Variants in PLXNA4 observed in about 807,000 individuals in gnomAD.
The protein encoded by PLXNA4 is plexin A4, also known as plexin-A4.
PLXNA4 carries 44 observed loss-of-function variants against 191.8 expected under a neutral mutation model. The ratio of observed to expected loss-of-function variants is 0.23; its 90% CI spans 0.18 to 0.29. PLXNA4 has a LOEUF of 0.29. PLXNA4 is among the 10% of genes least tolerant of loss of function. The pLI, the probability that PLXNA4 is intolerant of heterozygous loss-of-function variation, is 1.00. For missense variants in PLXNA4, 1,800 were observed against 2,488.8 expected (o/e 0.72, Z 5.89); for synonymous variants, 1,082 against 1,009.5 (o/e 1.07, Z -1.36).
At chr7:132,502,149 T>G (rs1055711974) in intron 2 of PLXNA4, among the ~76,000 whole-genome samples, 1 of 152,192 alleles carries the variant, frequency 6.6e-6, no homozygotes, top group Non-Finnish European at 1.5e-5. Context: ...ATGCTCACTT[T>G]CGTGGAGTTT....
intron 3 of PLXNA4, among the ~76,000 whole-genome samples, chr7:132,362,911 A>G (rs1804006029): frequency 1.3e-5 from 2 of 152,212 alleles, no homozygotes; most frequent in African/African-American, 4.8e-5. Flanking sequence ...AGCTATTTTT[A>G]AGTGTAAAGT....
At chr7:132,174,713 G>C (rs1438975271) in intron 21 of PLXNA4, 65 bp downstream of exon 21, 19 of 1,583,046 alleles carry the variant, frequency 1.2e-5, no homozygotes, top group Non-Finnish European at 1.5e-5. Flanking sequence ...GAAAGAAGGG[G>C]CTGGACTTGA....
In PLXNA4 at chr7:132,127,272, C is replaced by T. The variant is rs1240557698; in HGVS notation, c.*3207G>A. On this transcript the variant is annotated 3_prime_UTR_variant, in exon 32 of 32. Transcript: ENST00000321063. ...GGTAAGGAAGATGGCCTTTTCTCTC[C>T]TTCTGTCTGCTCATGACTCAACATA... 6.6e-6 allele frequency: 1 copy of T among 152,118 alleles called. No homozygotes were observed. Among genetic ancestry groups the T allele is most frequent in the Non-Finnish European group, 1.5e-5 (1 of 68,038 alleles). The allele number at this position is 152,118 out of a possible 1,614,324, so 9.4% of individuals were successfully genotyped here. A position where few individuals can be genotyped will look rare whatever the true frequency, so the allele number is the denominator to read the frequency against.
chr7:132,579,269 C>A (rs567807580), upstream of PLXNA4, among the ~76,000 whole-genome samples: 11 of 152,240 alleles, frequency 7.2e-5, no homozygotes, highest in African/African-American at 2.4e-4. Flanking sequence ...AGACTCCTTT[C>A]AAACTTCTGT....
At chr7:132,406,714 G>A (rs1292590243) in intron 3 of PLXNA4, among the ~76,000 whole-genome samples, 2 of 152,034 alleles carry the variant, frequency 1.3e-5, no homozygotes, top group Admixed American at 6.6e-5. Context: ...GGGCATTTAC[G>A]ACTCACCTGG....
chr7:132,376,730 G>A (rs1037552795), intron 3 of PLXNA4, among the ~76,000 whole-genome samples: 1 of 152,178 alleles, frequency 6.6e-6, no homozygotes, highest in Non-Finnish European at 1.5e-5. Context: ...AGCAGGCCCT[G>A]ATGGTGGCTT....
At chr7:132,212,370 C>T (rs1313076261) in intron 9 of PLXNA4, among the ~76,000 whole-genome samples, 1 of 152,116 alleles carries the variant, frequency 6.6e-6, no homozygotes, top group Non-Finnish European at 1.5e-5. Flanking sequence ...CTGTCCCTCC[C>T]AGGTCCCAGA....
At chr7:132,524,294 C>A (rs1799312503) in intron 1 of PLXNA4, among the ~76,000 whole-genome samples, 1 of 152,130 alleles carries the variant, frequency 6.6e-6, no homozygotes, top group Admixed American at 6.5e-5. Context: ...GGAAGAACTA[C>A]CACAGCAAAA....
intron 2 of PLXNA4, among the ~76,000 whole-genome samples, chr7:132,503,892 T>C (rs955310998): frequency 1.3e-5 from 2 of 152,172 alleles, no homozygotes; most frequent in African/African-American, 4.8e-5. Flanking sequence ...GGGAGACCTC[T>C]TTCCACCCAG....
intron 3 of PLXNA4, among the ~76,000 whole-genome samples, chr7:132,321,544 T>A (rs1396869779): frequency 6.6e-6 from 1 of 152,194 alleles, no homozygotes; most frequent in East Asian, 1.9e-4. Context: ...ACATTTCTGA[T>A]CCCCTGGAAG....
intron 4 of PLXNA4, among the ~76,000 whole-genome samples, chr7:132,241,963 T>C (rs181938770): frequency 1.6e-3 from 239 of 152,374 alleles, no homozygotes; most frequent in Middle Eastern, 3.4e-3. Flanking sequence ...TACATGCTCT[T>C]AAATATCTTT....
intron 1 of PLXNA4, among the ~76,000 whole-genome samples, chr7:132,509,109 C>T (rs1403758749): frequency 1.5e-5 from 2 of 133,340 alleles, no homozygotes; most frequent in Non-Finnish European, 3.2e-5. Context: ...CACTGTCACC[C>T]GGGTCAGGTG....
Position 132,146,635 on chromosome 7 carries a change from C to T in PLXNA4, c.4930G>A (p.Asp1644Asn). ...CACATCTTGACTCCACTCTCCAGGT[C>T]AGGAGTGATCATAGGTGTCCGTGAG... ...LRSRTPMITP[D>N]LESGVKMWHL... The change falls in exon 28 of 32, where the codon GAC becomes AAC. Residue 1644 changes from aspartate to asparagine, a missense_variant. Physicochemically the swap from Asp to Asn is conservative, Grantham distance 23 (BLOSUM62 1). Around this residue, in one of 6 missense-constraint regions of PLXNA4, gnomAD observed 214 missense variants for 298.2 expected, o/e 0.72. Transcript: ENST00000321063. 1 of 1,614,208 alleles carries T rather than the reference C, an allele frequency of 6.2e-7. No individual in the cohort carries two copies. Among genetic ancestry groups the T allele is most frequent in the African/African-American group, 1.3e-5 (1 of 75,050 alleles).
intron 3 of PLXNA4, among the ~76,000 whole-genome samples, chr7:132,348,858 T>G (rs1803359809): frequency 6.6e-6 from 1 of 152,220 alleles, no homozygotes; most frequent in Non-Finnish European, 1.5e-5. Context: ...CTTATTATGC[T>G]TCCTGTTACT....
intron 20 of PLXNA4, among the ~76,000 whole-genome samples, chr7:132,178,713 T>TACACATACACATACACACAC (rs142378860): frequency 3.6e-5 from 4 of 112,078 alleles, no homozygotes; most frequent in African/African-American, 1.1e-4. Flanking sequence ...CACATACACA[T>TACACATACACATACACACAC]ACACACACAC....
At chr7:132,594,898 CATAGATAG>C (rs1374311617) in intron 2 of PLXNA4, among the ~76,000 whole-genome samples, 1 of 142,382 alleles carries the variant, frequency 7.0e-6, no homozygotes, top group Admixed American at 7.4e-5. Context: ...TCCATTCAGA[CATAGATAG>C]ATAGGTAGAT....
chr7:132,494,614 C>T (rs73724044), intron 2 of PLXNA4, among the ~76,000 whole-genome samples: 10,474 of 152,226 alleles, frequency 0.069, 830 homozygotes, highest in African/African-American at 0.19. Context: ...GTGTGGGGAG[C>T]TGGAGCTGAC....
chr7:132,288,778 G>A (rs1424878799), intron 4 of PLXNA4, among the ~76,000 whole-genome samples: 1 of 152,176 alleles, frequency 6.6e-6, no homozygotes, highest in Non-Finnish European at 1.5e-5. Flanking sequence ...CTGAGGGCAG[G>A]ACTCATTTTC....
chr7:132,519,290 C>G (rs1279417997), intron 1 of PLXNA4, among the ~76,000 whole-genome samples: 1 of 152,256 alleles, frequency 6.6e-6, no homozygotes, highest in Non-Finnish European at 1.5e-5. Context: ...ATGAGGAACA[C>G]TCTATCCAGG....
Sources: gnomAD v4.1 joint callset for allele counts (sites outside exome capture counted in the v4.1 genomes callset) on GRCh38, gnomAD v4.1.1 for gene constraint, gnomAD v4.1.1 regional missense constraint, MANE v1.5 for transcripts, NCBI Gene and HGNC (gene_info 2026-07-23, HGNC 2026-07-21) for gene names.